The following NBN variants were observed in gnomAD, a reference collection of about 807,000 sequenced individuals.
The protein encoded by NBN is nibrin.
NBN carries 88 observed loss-of-function variants against 90.8 expected under a neutral mutation model. The ratio of observed to expected loss-of-function variants is 0.97; its 90% CI spans 0.82 to 1.16. NBN has a LOEUF of 1.16. Ranked by LOEUF, NBN falls within the 50% of genes most tolerant of loss-of-function variation. The pLI is 0.00. For synonymous variants in NBN, 328 were observed against 295.1 expected, an observed-to-expected ratio of 1.11 and a Z score of -1.14; for missense variants, 894 against 869.6, an observed-to-expected ratio of 1.03 and a Z score of -0.35.
In NBN at chr8:89,958,871, T is replaced by C. The variant is rs372875251; in HGVS notation, c.995-17A>G. The C allele has an allele frequency of 4.0e-5, 64 of 1,612,870 alleles. No individual in the cohort carries two copies. The highest frequency in any genetic ancestry group is 2.7e-4 in the East Asian group (12 of 44,854). ...TCTTTAATCCTGTAAATCACACAAGTAGAAAGAAAGAATCACAACTGCTAG... is the reference window on the plus strand; with the variant it reads ...TCTTTAATCCTGTAAATCACACAAGCAGAAAGAAAGAATCACAACTGCTAG... On this transcript the variant is annotated splice_polypyrimidine_tract_variant and intron_variant, in intron 8 of 15. Transcript: ENST00000265433.
chr8:89,939,336 AGAGT>A (rs1208012433), intron 14 of NBN, among the ~76,000 whole-genome samples: 14 of 152,334 alleles, frequency 9.2e-5, no homozygotes, highest in African/African-American at 3.4e-4. Context: ...AGTCTGTTAT[AGAGT>A]AAGTCCTACC....
At position 89,955,321 on chromosome 8, in the gene NBN, G is replaced by T. The variant is rs1412358437; in HGVS notation, c.1359C>A (p.Asn453Lys). ...KDRASQQQQT[N>K]SIRNYFQPST... ...ACGGCTGAAAGTAGTTTCTGATGGA[G>T]TTGGTCTGCTGCTGCTGAGAAGCCC... Residue 453 changes from asparagine to lysine, a missense_variant, in exon 10 of 16, where the codon AAC becomes AAA. By Grantham distance (94) the Asn-to-Lys change is moderately conservative. Coordinates refer to ENST00000265433, the MANE Select transcript of NBN (RefSeq NM_002485.5). 6.2e-7 allele frequency: 1 copy of T among 1,613,652 alleles called. No individual in the cohort carries two copies. The highest frequency in any genetic ancestry group is 1.7e-5 in the Admixed American group (1 of 59,986).
chr8:89,943,165 T>G, intron 14 of NBN, 88 bp downstream of exon 14: 3 of 1,372,184 alleles, frequency 2.2e-6, no homozygotes, highest in Non-Finnish European at 1.0e-6. Flanking sequence ...CTTATTTTAA[T>G]TTGGTTTTAA....
intron 7 of NBN, among the ~76,000 whole-genome samples, chr8:89,969,699 C>G (rs562605549): frequency 4.6e-5 from 7 of 152,294 alleles, no homozygotes; most frequent in African/African-American, 1.7e-4. Flanking sequence ...CGCCTGTAAT[C>G]CCAGCACTTT....
chr8:89,959,702 A>C (rs540083045), intron 8 of NBN, among the ~76,000 whole-genome samples: 2 of 152,360 alleles, frequency 1.3e-5, no homozygotes, highest in Admixed American at 6.5e-5. Context: ...TGCAGTGAGC[A>C]GTGATTGTGC....
chr8:89,935,972 A>C (rs765684918), intron 15 of NBN: 9 of 339,896 alleles, frequency 2.6e-5, no homozygotes, highest in African/African-American at 4.3e-5. Context: ...AAAAGAGCAT[A>C]ATCTACTTAA....
chr8:89,936,680 T>C (rs1809698782), intron 15 of NBN, among the ~76,000 whole-genome samples: 2 of 152,180 alleles, frequency 1.3e-5, no homozygotes, highest in South Asian at 2.1e-4. Context: ...ACTAAACAAA[T>C]GGTCTGGCAT....
chr8:89,971,893 A>T (rs1421700383), intron 5 of NBN, among the ~76,000 whole-genome samples: 1 of 152,208 alleles, frequency 6.6e-6, no homozygotes, highest in African/African-American at 2.4e-5. Flanking sequence ...GAAAATAAGA[A>T]ATGGAGAAAT....
Position 89,984,556 on chromosome 8 carries a change from C to G in NBN, c.6G>C (p.Trp2Cys). The G allele has an allele frequency of 6.2e-7, 1 of 1,613,172 alleles. No homozygotes were observed. The change falls in exon 1 of 16, where the codon TGG (tryptophan) becomes TGC (cysteine). Residue 2 changes from tryptophan to cysteine, a missense_variant. Transcript: ENST00000265433. M[W>C]KLLPAAGPAG... ...CCGGGCCCGCGGCGGGCAGCAGTTT[C>G]CACATCGGTCCGGCTCCTCAGGGCT...
intron 6 of NBN, 63 bp from the exon 7 acceptor site, chr8:89,970,620 T>G (rs1811471189): frequency 6.8e-7 from 1 of 1,471,032 alleles, no homozygotes; most frequent in African/African-American, 1.4e-5. Flanking sequence ...ACATAAGAAT[T>G]TGATTTGGGA....
chr8:89,969,474 T>C (rs190064059), intron 7 of NBN, among the ~76,000 whole-genome samples: 2 of 152,316 alleles, frequency 1.3e-5, no homozygotes, highest in Non-Finnish European at 2.9e-5. Context: ...AAATGCAACA[T>C]ATTCTGTAAA....
intron 11 of NBN, among the ~76,000 whole-genome samples, chr8:89,951,181 G>A (rs868001789): frequency 6.6e-5 from 10 of 151,790 alleles, no homozygotes; most frequent in African/African-American, 1.5e-4. Flanking sequence ...GCGTGGTGGC[G>A]GGCGCCTGTA....
intron 5 of NBN, among the ~76,000 whole-genome samples, chr8:89,975,265 ATAT>A (rs1208521779): frequency 1.3e-5 from 2 of 152,244 alleles, no homozygotes; most frequent in African/African-American, 4.8e-5. Flanking sequence ...ATTGGAAAAA[ATAT>A]TATAGTATGC....
At position 89,935,301 on chromosome 8, in the gene NBN, C is replaced by A; in HGVS notation, c.*281G>T. 1 of 372,272 alleles carries A rather than the reference C, an allele frequency of 2.7e-6. No homozygotes were observed. Among genetic ancestry groups the A allele is most frequent in the Non-Finnish European group, 4.9e-6 (1 of 202,264 alleles). 23.1% of individuals were successfully genotyped at this position (372,272 alleles called of 1,614,324 possible). ...GTGGAAGGGTGACTTTAGTCTTTAC[C>A]TTACGTACATTTAGAATTTTGAACT... On this transcript the variant is annotated 3_prime_UTR_variant, in exon 16 of 16. Transcript: ENST00000265433.
intron 4 of NBN, among the ~76,000 whole-genome samples, chr8:89,979,339 G>A (rs969392509): frequency 1.3e-5 from 2 of 152,188 alleles, no homozygotes; most frequent in African/African-American, 4.8e-5. Flanking sequence ...AGCAGATTTA[G>A]ATTGTCTCTC....
At chr8:89,979,009 G>A (rs577261168) in intron 4 of NBN, among the ~76,000 whole-genome samples, 2 of 152,248 alleles carry the variant, frequency 1.3e-5, no homozygotes, top group South Asian at 2.1e-4. Context: ...ACAGGGTCTC[G>A]CTCTGTTGTC....
chr8:89,937,362 A>T (rs1809740817), intron 14 of NBN: 3 of 415,280 alleles, frequency 7.2e-6, no homozygotes, highest in Non-Finnish European at 1.3e-5. Flanking sequence ...CACTCTTTCC[A>T]GCAAAACCCT....
At chr8:89,964,270 A>G (rs1811134480) in intron 8 of NBN, 140 bp downstream of exon 8, 1 of 941,950 alleles carries the variant, frequency 1.1e-6, no homozygotes, top group Non-Finnish European at 1.6e-6. Context: ...TATGGAATGA[A>G]TAAATGAAAG....
chr8:89,945,756 C>T (rs1810156354), intron 13 of NBN, among the ~76,000 whole-genome samples: 1 of 152,040 alleles, frequency 6.6e-6, no homozygotes, highest in South Asian at 2.1e-4. Context: ...GTTTGAATTA[C>T]TGAATATGCT....
Sources: gnomAD v4.1 joint callset for allele counts (sites outside exome capture counted in the v4.1 genomes callset) on GRCh38, gnomAD v4.1.1 for gene constraint, MANE v1.5 for transcripts, NCBI Gene and HGNC (gene_info 2026-07-23, HGNC 2026-07-21) for gene names.